Variants in CDH13 observed in about 807,000 individuals in gnomAD.
The protein encoded by CDH13 is cadherin 13.
CDH13 carries 24 observed loss-of-function variants against 63.8 expected under a neutral mutation model. The ratio of observed to expected loss-of-function variants is 0.38; its 90% CI spans 0.27 to 0.53. The LOEUF is 0.53. Ranked by LOEUF, CDH13 falls within the 20% of genes least tolerant of loss-of-function variation. CDH13 has a pLI of 0.85. For synonymous variants in CDH13, 503 were observed against 355.3 expected, an observed-to-expected ratio of 1.42 and a Z score of -4.67; for missense variants, 1,049 against 903.1, an observed-to-expected ratio of 1.16 and a Z score of -2.07.
intron 10 of CDH13, among the ~76,000 whole-genome samples, chr16:83,699,359 G>T (rs1905866894): frequency 6.6e-6 from 1 of 152,218 alleles, no homozygotes; most frequent in South Asian, 2.1e-4. Context: ...TGTCAGCTGG[G>T]ATCTGCCTGC....
intron 1 of CDH13, among the ~76,000 whole-genome samples, chr16:82,675,049 G>A (rs1213263031): frequency 2.0e-5 from 3 of 151,972 alleles, no homozygotes; most frequent in African/African-American, 4.8e-5. Context: ...ATATTAATAG[G>A]AAGGAAGGAT....
rs138200147 is a variant in CDH13 at position 83,301,958 on chromosome 16, A to T, written c.637-42904A>T. ...TGAAAGATCAATGAGACTTCAATAA[A>T]GTAAATTTAAGAAAAAAAAAAAAGA... On this transcript the variant is annotated intron_variant, in intron 5 of 13. Coordinates refer to ENST00000567109, the MANE Select transcript of CDH13 (RefSeq NM_001257.5). Among the ~76,000 whole-genome samples, 1,837 of 144,152 alleles carry T rather than the reference A, an allele frequency of 0.013. 70 individuals carry two copies. In the East Asian group the frequency reaches 0.15, roughly 12 times the overall value. The allele number at this position is 144,152 out of a possible 152,430, so 94.6% of individuals were successfully genotyped here.
chr16:83,387,123 G>A (rs1246060313), intron 6 of CDH13, among the ~76,000 whole-genome samples: 2 of 152,104 alleles, frequency 1.3e-5, no homozygotes, highest in Non-Finnish European at 2.9e-5. Context: ...ATGAGTGTTA[G>A]GTCAACCAAG....
chr16:83,159,815 C>A (rs1419663488), intron 4 of CDH13, among the ~76,000 whole-genome samples: 1 of 152,176 alleles, frequency 6.6e-6, no homozygotes, highest in Admixed American at 6.5e-5. Flanking sequence ...TGGGTCATGT[C>A]TGTAATCCTA....
chr16:83,008,358 G>C (rs1273380577), intron 2 of CDH13, among the ~76,000 whole-genome samples: 1 of 152,154 alleles, frequency 6.6e-6, no homozygotes, highest in East Asian at 1.9e-4. Context: ...TTATGCAGGG[G>C]AGCCTTGGAA....
At chr16:83,084,733 A>C (rs1312816829) in intron 3 of CDH13, among the ~76,000 whole-genome samples, 2 of 152,104 alleles carry the variant, frequency 1.3e-5, no homozygotes, top group Non-Finnish European at 2.9e-5. Flanking sequence ...TACTAAAAAT[A>C]TAAAAATTAG....
At chr16:82,929,129 A>T (rs1440748677) in intron 2 of CDH13, among the ~76,000 whole-genome samples, 1 of 152,126 alleles carries the variant, frequency 6.6e-6, no homozygotes, top group African/African-American at 2.4e-5. Flanking sequence ...TCAGGTTGAT[A>T]CCATTTGTTT....
In CDH13 at chr16:82,802,847, A is replaced by G. The variant is rs567139712; in HGVS notation, c.46-55515A>G. ...AGGAGCAAACTTCAGCGCTTTTCCA[A>G]CAGTCACAAAGGACTCTCTGCCACC... On this transcript the variant is annotated intron_variant, in intron 1 of 13. Coordinates refer to ENST00000567109, the MANE Select transcript of CDH13 (RefSeq NM_001257.5). Among the ~76,000 whole-genome samples, 5 of 152,336 alleles carry G rather than the reference A, an allele frequency of 3.3e-5. No individual in the cohort carries two copies. In the East Asian group the frequency reaches 5.8e-4, roughly 18 times the overall value.
chr16:83,794,674 A>G (rs1455474837), intron 13 of CDH13, among the ~76,000 whole-genome samples: 1 of 151,968 alleles, frequency 6.6e-6, no homozygotes, highest in African/African-American at 2.4e-5. Flanking sequence ...ATATGGGATA[A>G]TCACCAATCT....
chr16:83,668,451 C>A (rs906986031), intron 8 of CDH13, among the ~76,000 whole-genome samples: 4 of 152,234 alleles, frequency 2.6e-5, no homozygotes, highest in Non-Finnish European at 5.9e-5. Context: ...GCGTTTCTAC[C>A]TGACTGGTGG....
chr16:82,698,117 CTG>C (rs1163984403), intron 1 of CDH13, among the ~76,000 whole-genome samples: 1 of 152,170 alleles, frequency 6.6e-6, no homozygotes, highest in Non-Finnish European at 1.5e-5. Flanking sequence ...CAGGTTCTAA[CTG>C]TTGCTGTAGG....
chr16:83,757,095 T>C (rs749867185), intron 11 of CDH13, among the ~76,000 whole-genome samples: 1 of 152,162 alleles, frequency 6.6e-6, no homozygotes, highest in African/African-American at 2.4e-5. Context: ...ACAATGGAAT[T>C]AAACTAAGCA....
chr16:83,759,850 C>T (rs1245864237), intron 11 of CDH13, among the ~76,000 whole-genome samples: 2 of 151,650 alleles, frequency 1.3e-5, no homozygotes, highest in South Asian at 2.1e-4. Flanking sequence ...ATCACTTGAG[C>T]CCAGGAGTTC....
Position 83,395,684 on chromosome 16 carries a change from G to A in CDH13, c.781+50678G>A, listed in dbSNP as rs577764869. 1.6e-4 allele frequency among the ~76,000 whole-genome samples: 25 copies of A among 152,284 alleles called. No homozygotes were observed. In the South Asian group the frequency reaches 4.1e-3, roughly 25 times the overall value. On this transcript the variant is annotated intron_variant, in intron 6 of 13. Transcript: ENST00000567109. The stretch of plus-strand genomic sequence containing the variant: ...TAGTGATAGCAGGCTACAGCCAGCC[G>A]GTGGTCACCACAGGGTAGATATCAC...
chr16:83,206,615 C>T (rs942287697), intron 4 of CDH13, among the ~76,000 whole-genome samples: 2 of 152,254 alleles, frequency 1.3e-5, no homozygotes, highest in African/African-American at 4.8e-5. Context: ...GGGTTTGGCT[C>T]TGTGGGATAC....
At chr16:82,891,928 C>T (rs2041095276) in intron 2 of CDH13, among the ~76,000 whole-genome samples, 1 of 152,158 alleles carries the variant, frequency 6.6e-6, no homozygotes. Flanking sequence ...GAGGAAATTA[C>T]AGCTCTGAGA....
intron 7 of CDH13, among the ~76,000 whole-genome samples, chr16:83,534,112 A>C (rs1164499933): frequency 1.3e-5 from 2 of 152,170 alleles, no homozygotes; most frequent in Non-Finnish European, 2.9e-5. Flanking sequence ...ATACCTGTTA[A>C]GTAGTTGCTC....
chr16:82,682,960 C>G (rs188863851), intron 1 of CDH13, among the ~76,000 whole-genome samples: 1 of 152,182 alleles, frequency 6.6e-6, no homozygotes, highest in South Asian at 2.1e-4. Context: ...TAGGAACACA[C>G]TATCTCCAGG....
At chr16:83,061,023 C>G (rs898570249) in intron 3 of CDH13, among the ~76,000 whole-genome samples, 2 of 152,198 alleles carry the variant, frequency 1.3e-5, no homozygotes, top group Non-Finnish European at 2.9e-5. Flanking sequence ...GTGCTTAATA[C>G]AAGTTCCTTG....
Sources: allele counts gnomAD v4.1 joint callset (sites outside exome capture counted in the v4.1 genomes callset), GRCh38; gene constraint gnomAD v4.1.1; transcripts MANE v1.5; gene names NCBI Gene and HGNC (gene_info 2026-07-23, HGNC 2026-07-21).